The following CSMD1 variants were observed in gnomAD, a reference collection of about 807,000 sequenced individuals.
CSMD1 encodes the protein CUB and Sushi multiple domains 1.
A neutral mutation model predicts 417.5 loss-of-function variants in CSMD1; 213 were observed. That is an observed-to-expected ratio of 0.51 (90% CI 0.46 to 0.57). CSMD1 has a LOEUF of 0.57. Among genes scored for constraint, CSMD1 ranks in the 20% least tolerant of loss-of-function variants. The pLI is 0.00. For missense variants in CSMD1, 6,923 were observed against 4,529.7 expected, an observed-to-expected ratio of 1.53 and a Z score of -15.17; for synonymous variants, 2,862 against 1,736.8, an observed-to-expected ratio of 1.65 and a Z score of -16.11.
intron 5 of CSMD1, among the ~76,000 whole-genome samples, chr8:3,827,385 G>A (rs955203868): frequency 2.6e-5 from 4 of 152,146 alleles, no homozygotes; most frequent in African/African-American, 9.7e-5. Flanking sequence ...AGTACCACCT[G>A]TACTTAGATA....
At chr8:4,691,840 G>T (rs1806787064) in intron 1 of CSMD1, among the ~76,000 whole-genome samples, 1 of 152,194 alleles carries the variant, frequency 6.6e-6, no homozygotes, top group Non-Finnish European at 1.5e-5. Context: ...AGGTTTTAAT[G>T]GGCCAGTGTT....
rs778816656 is a variant in CSMD1 at position 3,399,394 on chromosome 8, T to A, written c.2402A>T (p.Asp801Val). 8 of 1,600,160 alleles carry A rather than the reference T, an allele frequency of 5.0e-6. No individual in the cohort carries two copies. In the African/African-American group the frequency reaches 9.4e-5, roughly 19 times the overall value. ...KPGHSIKITF[D>V]RFQTEVNYDT... is the part of the protein sequence containing the mutation. ...TGAAGACTAATTTTTTTCTTACCTGTCAAAAGTTATTTTGATAGAGTGGCC... is the reference window on the plus strand; with the variant it reads ...TGAAGACTAATTTTTTTCTTACCTGACAAAAGTTATTTTGATAGAGTGGCC... Residue 801 changes from aspartate (D) to valine (V), a missense_variant, in exon 16 of 70, where the codon GAC (aspartate) becomes GTC (valine). Transcript: ENST00000635120.
intron 5 of CSMD1, among the ~76,000 whole-genome samples, chr8:3,909,676 T>A (rs1808330859): frequency 6.6e-6 from 1 of 152,102 alleles, no homozygotes; most frequent in Non-Finnish European, 1.5e-5. Context: ...CTCCTTTTCC[T>A]AACATCATCA....
chr8:3,224,266 C>T (rs1798373290), intron 27 of CSMD1, among the ~76,000 whole-genome samples: 2 of 152,184 alleles, frequency 1.3e-5, no homozygotes, highest in Non-Finnish European at 1.5e-5. Flanking sequence ...GATTTTATGG[C>T]CATGTTAATT....
chr8:4,163,636 T>A (rs4317598), intron 3 of CSMD1, among the ~76,000 whole-genome samples: 1 of 151,926 alleles, frequency 6.6e-6, no homozygotes, highest in Non-Finnish European at 1.5e-5. Context: ...TATCTACATA[T>A]GGTAAGTGGA....
chr8:2,962,718 C>T (rs1273121195), intron 60 of CSMD1, 79 bp from the exon 61 acceptor site: 20 of 1,415,564 alleles, frequency 1.4e-5, no homozygotes, highest in Admixed American at 2.2e-5. Context: ...TAACTAGTTT[C>T]TGTTAAATCT....
At chr8:3,984,868 A>C (rs1414572307) in intron 5 of CSMD1, among the ~76,000 whole-genome samples, 2 of 151,520 alleles carry the variant, frequency 1.3e-5, no homozygotes, top group East Asian at 1.9e-4. Flanking sequence ...AAATGAAGAG[A>C]AAGTTTGAAT....
intron 3 of CSMD1, among the ~76,000 whole-genome samples, chr8:4,301,883 T>A (rs200575175): frequency 5.8e-4 from 6 of 10,334 alleles, no homozygotes; most frequent in African/African-American, 2.0e-3. Flanking sequence ...CATAAATTTG[T>A]TGTTCTCACT....
In CSMD1 at chr8:4,858,959, G is replaced by T. The variant is rs556857465; in HGVS notation, c.85+135373C>A. ...CCAAAAAAGAGCCCGCATCGCCAAG[G>T]CAATCCTAAGCCAAAAGAACAAAGC... On this transcript the variant is annotated intron_variant, in intron 1 of 69. Transcript: ENST00000635120. Among the ~76,000 whole-genome samples, 590 of 148,828 alleles carry T rather than the reference G, an allele frequency of 4.0e-3. 4 individuals carry two copies. Among genetic ancestry groups the T allele is most frequent in the Middle Eastern group, 0.014 (4 of 288 alleles).
rs754134290 is a variant in CSMD1 at position 3,755,435 on chromosome 8, T to C, written c.819-1393A>G. The stretch of plus-strand genomic sequence containing the variant: ...ATTATTTTGCATCTTGGTAACAAAA[T>C]CTATTTTCAAAATGATGCTTATTAG... On this transcript the variant is annotated intron_variant, in intron 5 of 69. Coordinates refer to ENST00000635120, the MANE Select transcript of CSMD1 (RefSeq NM_033225.6). Among the ~76,000 whole-genome samples the C allele has an allele frequency of 2.0e-5, 3 of 152,182 alleles. No individual in the cohort carries two copies. The East Asian group carries it at 5.8e-4, about 29-fold the overall frequency.
chr8:3,395,569 G>A (rs927365994), intron 17 of CSMD1, among the ~76,000 whole-genome samples: 1 of 152,158 alleles, frequency 6.6e-6, no homozygotes, highest in African/African-American at 2.4e-5. Flanking sequence ...TGGAAGTTTG[G>A]ACTGTTTGCA....
Position 4,590,990 on chromosome 8 carries a change from C to T in CSMD1, c.302+46352G>A, listed in dbSNP as rs114792530. ...TGCTGTCTTATTTTAGTCTTCATAT[C>T]TCACCTGTGGCCTGCCTTCTTCCCT... On this transcript the variant is annotated intron_variant, in intron 2 of 69. Transcript: ENST00000635120. Among the ~76,000 whole-genome samples the T allele has an allele frequency of 2.6e-5, 4 of 152,330 alleles. No homozygotes were observed. In the East Asian group the frequency reaches 5.8e-4, roughly 22 times the overall value.
rs1036069964 is a variant in CSMD1 at position 3,091,043 on chromosome 8, T to C, written c.7285+473A>G. On this transcript the variant is annotated intron_variant, in intron 48 of 69. Coordinates refer to ENST00000635120, the MANE Select transcript of CSMD1 (RefSeq NM_033225.6). ...ATTAAACATATATTTATTATGTATA[T>C]GGTTATTTGTACAAATATATATATA... Among the ~76,000 whole-genome samples, 6 of 152,052 alleles carry C rather than the reference T, an allele frequency of 3.9e-5. No homozygotes were observed. In the East Asian group the frequency reaches 5.8e-4, roughly 15 times the overall value.
At position 4,364,749 on chromosome 8, in the gene CSMD1, C is replaced by T. The variant is rs1377983964; in HGVS notation, c.415+55204G>A. Among the ~76,000 whole-genome samples, 2 of 47,498 alleles carry T rather than the reference C, an allele frequency of 4.2e-5. 1 individual carries two copies. The highest frequency in any genetic ancestry group is 6.5e-5 in the Non-Finnish European group (2 of 30,676). The allele number at this position is 47,498 out of a possible 152,430, so 31.2% of individuals were successfully genotyped here. On this transcript the variant is annotated intron_variant, in intron 3 of 69. Coordinates refer to ENST00000635120, the MANE Select transcript of CSMD1 (RefSeq NM_033225.6). ...CTGAGGCAGGAGAATGGCGTGAACC[C>T]GGGAGGCGGAGCTTGCAGTGAGCCG...
intron 26 of CSMD1, among the ~76,000 whole-genome samples, chr8:3,262,230 T>TATATATATATAC (rs770901446): frequency 1.0e-5 from 1 of 95,682 alleles, no homozygotes; most frequent in Non-Finnish European, 2.0e-5. Flanking sequence ...TATATATATA[T>TATATATATATAC]ACACACACAT....
At chr8:3,439,281 G>GTGTGTGTATATA (rs1407744154) in intron 12 of CSMD1, among the ~76,000 whole-genome samples, 1 of 54,344 alleles carries the variant, frequency 1.8e-5, no homozygotes, top group Non-Finnish European at 3.3e-5. Flanking sequence ...GGCAATGTCA[G>GTGTGTGTATATA]TATATATATA....
At chr8:3,140,390 G>A (rs535450270) in intron 41 of CSMD1, among the ~76,000 whole-genome samples, 3 of 152,014 alleles carry the variant, frequency 2.0e-5, no homozygotes, top group African/African-American at 7.3e-5. Context: ...TTCAAGTAGG[G>A]AATGATTAGT....
At chr8:4,317,900 T>A (rs556648952) in intron 3 of CSMD1, among the ~76,000 whole-genome samples, 1 of 152,296 alleles carries the variant, frequency 6.6e-6, no homozygotes, top group South Asian at 2.1e-4. Flanking sequence ...TTCAGATGTG[T>A]TGGAAAGGAG....
intron 46 of CSMD1, among the ~76,000 whole-genome samples, chr8:3,097,712 T>A (rs549537790): frequency 6.2e-4 from 95 of 152,130 alleles, no homozygotes; most frequent in Non-Finnish European, 5.0e-4. Flanking sequence ...TTTCAGACTG[T>A]GCTTGATCAC....
Sources: allele counts gnomAD v4.1 joint callset (sites outside exome capture counted in the v4.1 genomes callset), GRCh38; gene constraint gnomAD v4.1.1; transcripts MANE v1.5; gene names NCBI Gene and HGNC (gene_info 2026-07-23, HGNC 2026-07-21).